Variants in CASQ2 observed in about 807,000 individuals in gnomAD.
CASQ2 encodes calsequestrin 2, also known as calsequestrin-2.
In CASQ2, 49 loss-of-function variants were observed where a neutral mutation model predicts 46.5. The ratio of observed to expected loss-of-function variants is 1.05; its 90% CI spans 0.84 to 1.34. CASQ2 has a LOEUF of 1.34. Among genes scored for constraint, CASQ2 ranks in the 40% most tolerant of loss-of-function variants. CASQ2 has a pLI of 0.00. For missense variants in CASQ2, 486 were observed against 481.3 expected (o/e 1.01, Z -0.09); for synonymous variants, 174 against 168.5 (o/e 1.03, Z -0.25).
chr1:115,733,098 AT>A, intron 4 of CASQ2, 124 bp from the exon 5 acceptor site: 1 of 650,816 alleles, frequency 1.5e-6, no homozygotes, highest in Non-Finnish European at 2.7e-6. Flanking sequence ...TTTAGTAGGT[AT>A]TGTTTACATA....
At chr1:115,708,160 T>C (rs1654422144) in intron 8 of CASQ2, among the ~76,000 whole-genome samples, 1 of 152,246 alleles carries the variant, frequency 6.6e-6, no homozygotes, top group Non-Finnish European at 1.5e-5. Context: ...GGGTTGTAGT[T>C]TTTTTGTAAA....
chr1:115,731,519 G>C (rs1474351355), intron 5 of CASQ2, among the ~76,000 whole-genome samples: 5 of 152,114 alleles, frequency 3.3e-5, no homozygotes, highest in African/African-American at 1.2e-4. Context: ...CCCACTTCCT[G>C]GGCCTAGATG....
At chr1:115,741,906 GA>G (rs1309982211) in intron 2 of CASQ2, among the ~76,000 whole-genome samples, 2 of 152,198 alleles carry the variant, frequency 1.3e-5, no homozygotes, top group African/African-American at 4.8e-5. Flanking sequence ...CTCTTCTGCA[GA>G]ACGTCCAGGG....
chr1:115,721,675 A>T (rs147809922), intron 7 of CASQ2, among the ~76,000 whole-genome samples: 72 of 152,136 alleles, frequency 4.7e-4, no homozygotes, highest in African/African-American at 1.7e-3. Context: ...GGCTCAAAGG[A>T]TGCTCCTGCC....
intron 8 of CASQ2, among the ~76,000 whole-genome samples, chr1:115,706,209 C>T (rs1436480816): frequency 4.6e-5 from 7 of 151,994 alleles, no homozygotes; most frequent in South Asian, 2.1e-4. Context: ...TGTGTGTGCA[C>T]GCGTGCATGT....
intron 5 of CASQ2, among the ~76,000 whole-genome samples, chr1:115,732,654 A>C (rs375297903): frequency 2.0e-5 from 3 of 152,194 alleles, no homozygotes; most frequent in South Asian, 4.1e-4. Flanking sequence ...GTGTATAAGA[A>C]GATAATGGTG....
intron 1 of CASQ2, among the ~76,000 whole-genome samples, chr1:115,760,092 C>A (rs1648887137): frequency 2.0e-5 from 3 of 152,118 alleles, no homozygotes; most frequent in African/African-American, 4.8e-5. Flanking sequence ...TGGCTGAGTC[C>A]CAAATCAGAT....
intron 1 of CASQ2, among the ~76,000 whole-genome samples, chr1:115,766,460 G>A (rs78214120): frequency 0.065 from 9,923 of 152,250 alleles, 432 homozygotes; most frequent in Admixed American, 0.13. Flanking sequence ...CACTTAGTAA[G>A]CATTTAATCA....
intron 8 of CASQ2, among the ~76,000 whole-genome samples, chr1:115,710,673 G>A (rs571295517): frequency 6.6e-6 from 1 of 152,278 alleles, no homozygotes; most frequent in Non-Finnish European, 1.5e-5. Flanking sequence ...CCCAGCAGCT[G>A]TAGTATGATG....
intron 8 of CASQ2, among the ~76,000 whole-genome samples, chr1:115,707,261 C>T (rs1654395031): frequency 6.6e-6 from 1 of 152,130 alleles, no homozygotes; most frequent in African/African-American, 2.4e-5. Flanking sequence ...AACTCCTGGG[C>T]TCAAGTGATC....
At chr1:115,756,750 C>G (rs1648776626) in intron 1 of CASQ2, among the ~76,000 whole-genome samples, 1 of 152,054 alleles carries the variant, frequency 6.6e-6, no homozygotes, top group South Asian at 2.1e-4. Context: ...AGTTCAAGAC[C>G]AGCCCAGCCA....
intron 1 of CASQ2, among the ~76,000 whole-genome samples, chr1:115,747,746 G>A (rs562267991): frequency 2.7e-4 from 41 of 152,174 alleles, no homozygotes; most frequent in Admixed American, 4.6e-4. Context: ...AAATTGTATT[G>A]TATTTTTAAT....
At chr1:115,709,654 C>A (rs1359072247) in intron 8 of CASQ2, among the ~76,000 whole-genome samples, 1 of 152,180 alleles carries the variant, frequency 6.6e-6, no homozygotes, top group African/African-American at 2.4e-5. Context: ...AGATGAATAG[C>A]CCTCACTCAG....
intron 1 of CASQ2, among the ~76,000 whole-genome samples, chr1:115,767,582 T>C (rs1456143051): frequency 6.6e-6 from 1 of 152,176 alleles, no homozygotes; most frequent in Non-Finnish European, 1.5e-5. Flanking sequence ...CATCTTAAGC[T>C]GTCCAGGAGG....
intron 7 of CASQ2, among the ~76,000 whole-genome samples, chr1:115,719,157 A>G (rs1647282339): frequency 6.6e-6 from 1 of 152,214 alleles, no homozygotes. Context: ...GAAAGATTAA[A>G]TGGAAAATAT....
chr1:115,763,137 A>G (rs1381253674), intron 1 of CASQ2, among the ~76,000 whole-genome samples: 1 of 152,084 alleles, frequency 6.6e-6, no homozygotes, highest in Non-Finnish European at 1.5e-5. Flanking sequence ...GGTTGTTTTC[A>G]TGAGGCTTCT....
At chr1:115,725,584 A>G in intron 6 of CASQ2, 31 bp from the exon 7 acceptor site, 5 of 1,584,706 alleles carry the variant, frequency 3.2e-6, no homozygotes, top group Non-Finnish European at 4.3e-6. Flanking sequence ...AAAAAAAGAA[A>G]GAGCTTCCTT....
Position 115,738,226 on chromosome 1 carries a change from T to A in CASQ2, c.530A>T (p.Glu177Val). Residue 177 changes from glutamate (E) to valine (V), a missense_variant and splice_region_variant, in exon 4 of 11, where the codon GAA (glutamate) becomes GTA (valine). Transcript: ENST00000261448. ...GCTGGGGTTGGCAGACAACTTACATTCTGAGTCCTCACTCTTGAAAAAGCC... is the reference window on the plus strand; with the variant it reads ...GCTGGGGTTGGCAGACAACTTACATACTGAGTCCTCACTCTTGAAAAAGCC... ...LIGFFKSEDS[E>V]YYKAFEEAAE... 1 of 1,587,080 alleles carries A rather than the reference T, an allele frequency of 6.3e-7. No homozygotes were observed. Among genetic ancestry groups the A allele is most frequent in the Non-Finnish European group, 8.7e-7 (1 of 1,155,252 alleles).
rs888412800 is a variant in CASQ2 at position 115,734,378 on chromosome 1, C to T, written c.533-1404G>A. Among the ~76,000 whole-genome samples, 3 of 152,224 alleles carry T rather than the reference C, an allele frequency of 2.0e-5. No homozygotes were observed. The East Asian group carries it at 5.8e-4, about 29-fold the overall frequency. ...CTCTTCCCCTCCATGAACTCCCACC[C>T]TGTTGGAAAGAATGGCTTAGGCCTG... On this transcript the variant is annotated intron_variant, in intron 4 of 10. Transcript: ENST00000261448.
Sources: allele counts gnomAD v4.1 joint callset (sites outside exome capture counted in the v4.1 genomes callset), GRCh38; gene constraint gnomAD v4.1.1; transcripts MANE v1.5; gene names NCBI Gene and HGNC (gene_info 2026-07-23, HGNC 2026-07-21).